Variants in SDHB observed in about 807,000 individuals in gnomAD.
SDHB encodes the protein succinate dehydrogenase complex iron sulfur subunit B, also known as succinate dehydrogenase [ubiquinone] iron-sulfur subunit, mitochondrial.
A neutral mutation model predicts 39.7 loss-of-function variants in SDHB; 21 were observed. The ratio of observed to expected loss-of-function variants is 0.53; its 90% CI spans 0.37 to 0.76. The LOEUF (loss-of-function observed/expected upper bound fraction) is 0.76, where lower values mean the gene tolerates loss of function less well. Ranked by LOEUF, SDHB falls within the 30% of genes least tolerant of loss-of-function variation. The pLI, the probability that SDHB is intolerant of heterozygous loss-of-function variation, is 0.00. For synonymous variants in SDHB, 118 were observed against 117.0 expected (o/e 1.01, Z -0.06); for missense variants, 343 against 350.9 (o/e 0.98, Z 0.18).
intron 2 of SDHB, among the ~76,000 whole-genome samples, chr1:17,039,821 GAATAT>G (rs996539783): frequency 2.1e-4 from 32 of 152,168 alleles, no homozygotes; most frequent in South Asian, 4.2e-4. Flanking sequence ...ATATATTACA[GAATAT>G]AATATAATAA....
At chr1:17,041,522 G>A (rs1030661475) in intron 2 of SDHB, among the ~76,000 whole-genome samples, 1 of 151,760 alleles carries the variant, frequency 6.6e-6, no homozygotes, top group Non-Finnish European at 1.5e-5. Context: ...AAATTAGACG[G>A]TGTGTGACGC....
At chr1:17,046,305 A>G (rs1458027020) in intron 1 of SDHB, among the ~76,000 whole-genome samples, 1 of 152,184 alleles carries the variant, frequency 6.6e-6, no homozygotes, top group African/African-American at 2.4e-5. Context: ...GTGAGAGGAA[A>G]GATTCCTGAA....
At chr1:17,050,191 T>A (rs543778746) in intron 1 of SDHB, among the ~76,000 whole-genome samples, 1 of 152,314 alleles carries the variant, frequency 6.6e-6, no homozygotes, top group Non-Finnish European at 1.5e-5. Flanking sequence ...ATTTAAATTT[T>A]TAAAAAGTCT....
chr1:17,027,543 C>G (rs901601720), intron 5 of SDHB: 1 of 581,570 alleles, frequency 1.7e-6, no homozygotes. Flanking sequence ...GCACAGGGCT[C>G]TAGCTCCTTG....
intron 7 of SDHB, among the ~76,000 whole-genome samples, chr1:17,020,249 T>C (rs1222625509): frequency 6.6e-6 from 1 of 152,176 alleles, no homozygotes; most frequent in Non-Finnish European, 1.5e-5. Flanking sequence ...ACCCAATCCA[T>C]GCAGGAAGAA....
chr1:17,051,076 C>T (rs532950193), intron 1 of SDHB, among the ~76,000 whole-genome samples: 1 of 152,278 alleles, frequency 6.6e-6, no homozygotes, highest in Admixed American at 6.5e-5. Flanking sequence ...ACATAAAACG[C>T]AACAGTGCAA....
chr1:17,025,478 C>G (rs919991551), intron 5 of SDHB, among the ~76,000 whole-genome samples: 1 of 149,852 alleles, frequency 6.7e-6, no homozygotes, highest in African/African-American at 2.5e-5. Flanking sequence ...GGCACAATCA[C>G]AGTTCACTGC....
chr1:17,049,589 G>A (rs1168822761), intron 1 of SDHB, among the ~76,000 whole-genome samples: 2 of 145,880 alleles, frequency 1.4e-5, no homozygotes, highest in African/African-American at 5.1e-5. Context: ...GAGCAACCGC[G>A]CCTGGCCCCT....
intron 2 of SDHB, among the ~76,000 whole-genome samples, chr1:17,033,650 C>T (rs946969529): frequency 3.3e-5 from 5 of 152,196 alleles, no homozygotes; most frequent in Non-Finnish European, 7.3e-5. Flanking sequence ...TGGTACTAAG[C>T]GGAGCATCCC....
intron 1 of SDHB, among the ~76,000 whole-genome samples, chr1:17,048,705 A>ATATT (rs955527778): frequency 4.0e-5 from 6 of 151,798 alleles, no homozygotes; most frequent in Admixed American, 1.3e-4. Context: ...ATTTTTTAAA[A>ATATT]TATTTATTTA....
At chr1:17,037,719 A>G (rs987554435) in intron 2 of SDHB, among the ~76,000 whole-genome samples, 1 of 152,018 alleles carries the variant, frequency 6.6e-6, no homozygotes, top group African/African-American at 2.4e-5. Context: ...GGCCTCTCAG[A>G]ATGTTGGGAT....
At chr1:17,033,288 G>C in intron 2 of SDHB, 143 bp from the exon 3 acceptor site, 2 of 711,786 alleles carry the variant, frequency 2.8e-6, no homozygotes, top group Non-Finnish European at 2.5e-6. Flanking sequence ...CTGTAGTTTT[G>C]TTTTTGCAGA....
At chr1:17,050,608 C>T (rs566613359) in intron 1 of SDHB, among the ~76,000 whole-genome samples, 51 of 151,638 alleles carry the variant, frequency 3.4e-4, no homozygotes, top group African/African-American at 1.1e-3. Context: ...GCCAAGATTC[C>T]GCCACTGCAC....
At chr1:17,048,934 C>G (rs1274807089) in intron 1 of SDHB, among the ~76,000 whole-genome samples, 1 of 152,140 alleles carries the variant, frequency 6.6e-6, no homozygotes, top group Non-Finnish European at 1.5e-5. Context: ...TGGTCTTGAA[C>G]TCCTGACCTC....
intron 7 of SDHB, 138 bp from the exon 8 acceptor site, chr1:17,019,096 T>C (rs974363496): frequency 1.8e-5 from 13 of 737,666 alleles, no homozygotes; most frequent in Admixed American, 9.7e-5. Flanking sequence ...CTCAAAACCA[T>C]AGGGGTTGGG....
chr1:17,036,791 T>G (rs1218281700), intron 2 of SDHB, among the ~76,000 whole-genome samples: 1 of 147,036 alleles, frequency 6.8e-6, no homozygotes, highest in African/African-American at 2.5e-5. Flanking sequence ...TAAATACATA[T>G]ATAAATATAT....
At chr1:17,046,141 G>C (rs1334054186) in intron 1 of SDHB, among the ~76,000 whole-genome samples, 1 of 152,150 alleles carries the variant, frequency 6.6e-6, no homozygotes, top group Non-Finnish European at 1.5e-5. Flanking sequence ...TGAAGAAAAT[G>C]AAAGTTAAGA....
At chr1:17,041,952 C>T (rs979805571) in intron 2 of SDHB, among the ~76,000 whole-genome samples, 4 of 151,602 alleles carry the variant, frequency 2.6e-5, no homozygotes, top group African/African-American at 9.7e-5. Context: ...GACAGAGTCT[C>T]ACTCTGTTGC....
chr1:17,040,538 T>C (rs2078074182), intron 2 of SDHB, among the ~76,000 whole-genome samples: 3 of 152,150 alleles, frequency 2.0e-5, no homozygotes, highest in Admixed American at 2.0e-4. Flanking sequence ...CATAGCAGCC[T>C]CAAGTTCCTA....
Sources: allele counts gnomAD v4.1 joint callset (sites outside exome capture counted in the v4.1 genomes callset), GRCh38; gene constraint gnomAD v4.1.1; transcripts MANE v1.5; gene names NCBI Gene and HGNC (gene_info 2026-07-23, HGNC 2026-07-21).